PLVAP: variants seen among roughly 807,000 people sequenced by gnomAD.
The protein encoded by PLVAP is plasmalemma vesicle-associated protein.
A neutral mutation model predicts 43.1 loss-of-function variants in PLVAP; 34 were observed. The observed-to-expected ratio is 0.79, with a 90% CI of 0.60 to 1.05. The LOEUF (loss-of-function observed/expected upper bound fraction) is 1.05, where lower values mean the gene tolerates loss of function less well. Ranked by LOEUF, PLVAP falls within the 50% of genes least tolerant of loss-of-function variation. The pLI, the probability that PLVAP is intolerant of heterozygous loss-of-function variation, is 0.00. For synonymous variants in PLVAP, 241 were observed against 237.3 expected (o/e 1.02, Z -0.14); for missense variants, 574 against 593.4 (o/e 0.97, Z 0.34).
chr19:17,365,909 C>T lies in PLVAP; in HGVS notation c.556G>A (p.Val186Met), dbSNP rs373946539. The stretch of plus-strand genomic sequence containing the variant: ...TCCGCCACGCGTTTGTTCAGCAGCA[C>T]GCTTTCCTTATCCTTAGTGCAAATG... Reference protein sequence around the residue: ...KTICTKDKESVLLNKRVAEEQ... With the variant: ...KTICTKDKESMLLNKRVAEEQ... Residue 186 changes from valine to methionine, a missense_variant, in exon 3 of 6, where the codon GTG (valine) becomes ATG (methionine). Val to Met is a conservative substitution (Grantham distance 21). Coordinates refer to ENST00000252590, the MANE Select transcript of PLVAP (RefSeq NM_031310.3). The T allele has an allele frequency of 5.6e-6, 9 of 1,613,942 alleles. No individual in the cohort carries two copies. The highest frequency in any genetic ancestry group is 4.5e-5 in the East Asian group (2 of 44,882).
intron 3 of PLVAP, 82 bp from the exon 4 acceptor site, chr19:17,360,914 CT>C (rs71336607): frequency 0.28 from 244,607 of 879,164 alleles, 2,820 homozygotes; most frequent in East Asian, 0.33. Context: ...TTTTCTTTTT[CT>C]TTTTTTTTTT....
intron 1 of PLVAP, among the ~76,000 whole-genome samples, chr19:17,370,615 T>C (rs1325945820): frequency 6.6e-6 from 1 of 152,082 alleles, no homozygotes; most frequent in Non-Finnish European, 1.5e-5. Flanking sequence ...AGGAAGCAGG[T>C]TGGTGGCTGT....
intron 1 of PLVAP, among the ~76,000 whole-genome samples, chr19:17,373,432 G>A (rs968571602): frequency 1.3e-5 from 2 of 152,128 alleles, no homozygotes; most frequent in Non-Finnish European, 2.9e-5. Flanking sequence ...GCAGGACTGA[G>A]GGGGCTGAGC....
At chr19:17,352,479 C>G in intron 5 of PLVAP, 111 bp from the exon 6 acceptor site, 1 of 1,226,786 alleles carries the variant, frequency 8.2e-7, no homozygotes, top group Non-Finnish European at 1.2e-6. Context: ...CCTGGGGACC[C>G]CGGCCCTGCC....
intron 5 of PLVAP, among the ~76,000 whole-genome samples, chr19:17,356,510 T>C (rs986089729): frequency 5.9e-5 from 9 of 152,044 alleles, no homozygotes; most frequent in African/African-American, 1.9e-4. Flanking sequence ...AGAATTTTAT[T>C]TTTTCTCTCT....
chr19:17,352,371 A>G lies in PLVAP; in HGVS notation c.1323-3T>C. 1 of 1,613,378 alleles carries G rather than the reference A, an allele frequency of 6.2e-7. No individual in the cohort carries two copies. Reference sequence around the variant, plus strand: ...CAGGCCTGGAGCCTCCTCAGCCACTAGGGCAGGAAGGGGATGGTAACACAA... The same window carrying G: ...CAGGCCTGGAGCCTCCTCAGCCACTGGGGCAGGAAGGGGATGGTAACACAA... On this transcript the variant is annotated splice_region_variant and splice_polypyrimidine_tract_variant and intron_variant, in intron 5 of 5. Coordinates refer to ENST00000252590, the MANE Select transcript of PLVAP (RefSeq NM_031310.3).
Position 17,365,936 on chromosome 19 carries a change from T to C in PLVAP, c.529A>G (p.Thr177Ala). The change falls in exon 3 of 6, where the codon ACC becomes GCC. Residue 177 changes from threonine to alanine, a missense_variant. Coordinates refer to ENST00000252590, the MANE Select transcript of PLVAP (RefSeq NM_031310.3). ...CTTTCCTTATCCTTAGTGCAAATGG[T>C]CTTCTCCTTGGCTATCTCCACCTCC... is the stretch of plus-strand genomic sequence containing the variant. ...TLEVEIAKEK[T>A]ICTKDKESVL... 6.2e-7 allele frequency: 1 copy of C among 1,614,046 alleles called. No individual in the cohort carries two copies. Among genetic ancestry groups the C allele is most frequent in the Non-Finnish European group, 8.5e-7 (1 of 1,180,010 alleles).
At chr19:17,373,122 C>CAGGTCTG (rs113796385) in intron 1 of PLVAP, among the ~76,000 whole-genome samples, 51,427 of 134,736 alleles carry the variant, frequency 0.38, 10,372 homozygotes, top group African/African-American at 0.55. Flanking sequence ...TAGCCAGGTT[C>CAGGTCTG]AGGTCTGAGA....
intron 5 of PLVAP, among the ~76,000 whole-genome samples, chr19:17,355,228 TAA>T (rs199781893): frequency 1.2e-4 from 11 of 95,318 alleles, no homozygotes; most frequent in East Asian, 9.3e-4. Flanking sequence ...CATCTCAAAA[TAA>T]TAATAATAAT....
At chr19:17,361,788 G>A (rs972560681) in intron 3 of PLVAP, among the ~76,000 whole-genome samples, 1 of 152,092 alleles carries the variant, frequency 6.6e-6, no homozygotes, top group Admixed American at 6.6e-5. Flanking sequence ...ACCCGTTTCG[G>A]GCCAGGCGTG....
In PLVAP at chr19:17,360,570, T is replaced by G; in HGVS notation, c.1280A>C (p.Glu427Ala). The G allele has an allele frequency of 1.2e-6, 2 of 1,613,906 alleles. No homozygotes were observed. Among genetic ancestry groups the G allele is most frequent in the Non-Finnish European group, 1.7e-6 (2 of 1,179,872 alleles). Residue 427 changes from glutamate (E) to alanine (A), a missense_variant, in exon 5 of 6, where the codon GAG (glutamate) becomes GCG (alanine). Coordinates refer to ENST00000252590, the MANE Select transcript of PLVAP (RefSeq NM_031310.3). ...GATGCCTGCAGGGGGCCTCTGGGAC[T>G]CCAGGATCTTCCTCTTGAACTCCTC... ...SLEEFKRKIL[E>A]SQRPPAGIPV...
chr19:17,375,574 TA>T (rs926806422), intron 1 of PLVAP, among the ~76,000 whole-genome samples: 22 of 150,944 alleles, frequency 1.5e-4, no homozygotes, highest in Admixed American at 3.3e-4. Context: ...ATTCTGTCTC[TA>T]AAAAAAAGTT....
chr19:17,373,090 A>G lies in PLVAP; in HGVS notation c.369+3830T>C, dbSNP rs866865575. ...CAAAAAAAAAAAAAAAAAAAAAAAA[A>G]AAAGAAAGAAAAGACACCAGTTAGC... On this transcript the variant is annotated intron_variant, in intron 1 of 5. Transcript: ENST00000252590. 2.7e-3 allele frequency among the ~76,000 whole-genome samples: 335 copies of G among 125,830 alleles called. 5 individuals carry two copies. The highest frequency in any genetic ancestry group is 7.0e-3 in the African/African-American group (228 of 32,362). The allele number at this position is 125,830 out of a possible 152,430, so 82.5% of individuals were successfully genotyped here. A position where few individuals can be genotyped will look rare whatever the true frequency, so the allele number is the denominator to read the frequency against.
chr19:17,365,748 G>T lies in PLVAP; in HGVS notation c.717C>A (p.Asn239Lys). 1 of 1,614,144 alleles carries T rather than the reference G, an allele frequency of 6.2e-7. No individual in the cohort carries two copies. Among genetic ancestry groups the T allele is most frequent in the Non-Finnish European group, 8.5e-7 (1 of 1,180,056 alleles). The stretch of plus-strand genomic sequence containing the variant: ...GTGGGATAATGGAGTCCCTCCACAG[G>T]TTACGAAGGTCCATCTCAAACTTGT... ...DKDKFEMDLR[N>K]LWRDSIIPRS... The change falls in exon 3 of 6, where the codon AAC (asparagine) becomes AAA (lysine). Residue 239 changes from asparagine to lysine, a missense_variant. Asn to Lys is a moderately conservative substitution (Grantham distance 94, BLOSUM62 0). Transcript: ENST00000252590.
At chr19:17,364,014 G>A (rs974094008) in intron 3 of PLVAP, among the ~76,000 whole-genome samples, 2 of 151,854 alleles carry the variant, frequency 1.3e-5, no homozygotes, top group African/African-American at 4.8e-5. Context: ...CCAAAGTGCC[G>A]GGATTACAGG....
rs1247552004 is a variant in PLVAP at position 17,365,484 on chromosome 19, C to T, written c.981G>A (p.Lys327=). The T allele has an allele frequency of 6.2e-7, 1 of 1,612,476 alleles. No homozygotes were observed. Among genetic ancestry groups the T allele is most frequent in the African/African-American group, 1.3e-5 (1 of 74,946 alleles). Residue 327 remains lysine, a synonymous_variant, in exon 3 of 6, where the codon AAG becomes AAA. Transcript: ENST00000252590. ...GCTTGGCCTCCCGGGCCTGAGCCTC[C>T]TTCTCCACCTTCTGTTTCGCCTCCT... The part of the protein sequence containing the change: ...ASQEAKQKVE[K]EAQAREAKLQ...
chr19:17,370,096 C>T (rs1481415603), intron 1 of PLVAP, among the ~76,000 whole-genome samples: 3 of 151,658 alleles, frequency 2.0e-5, no homozygotes, highest in African/African-American at 7.3e-5. Context: ...CCACTACACA[C>T]CCACGAGGGT....
chr19:17,360,425 GGAA>G, intron 5 of PLVAP, 100 bp downstream of exon 5: 1 of 1,255,374 alleles, frequency 8.0e-7, no homozygotes, highest in Non-Finnish European at 1.2e-6. Context: ...GCTCAATTAA[GGAA>G]GAAGCAAGTG....
rs2074600798 is a variant in PLVAP at position 17,377,322 on chromosome 19, G to C, written c.-34C>G. 6.5e-7 allele frequency: 1 copy of C among 1,548,868 alleles called. No homozygotes were observed. The highest frequency in any genetic ancestry group is 1.2e-5 in the South Asian group (1 of 86,106). ...TCCCGCCGTCCGGTGCACCGTCCCT[G>C]CTCACCACCAGGCCTGCTCTGGCCC... On this transcript the variant is annotated 5_prime_UTR_variant, in exon 1 of 6. Coordinates refer to ENST00000252590, the MANE Select transcript of PLVAP (RefSeq NM_031310.3).
Sources: gnomAD v4.1 joint callset for allele counts (sites outside exome capture counted in the v4.1 genomes callset) on GRCh38, gnomAD v4.1.1 for gene constraint, MANE v1.5 for transcripts, NCBI Gene and HGNC (gene_info 2026-07-23, HGNC 2026-07-21) for gene names.